The following GRAMD2B variants were observed in gnomAD, a reference collection of about 807,000 sequenced individuals.
GRAMD2B encodes the protein GRAM domain containing 2B, also known as GRAM domain-containing protein 2B.
GRAMD2B carries 41 observed loss-of-function variants against 59.2 expected under a neutral mutation model. The ratio of observed to expected loss-of-function variants is 0.69; its 90% CI spans 0.54 to 0.90. The LOEUF (loss-of-function observed/expected upper bound fraction) is 0.90. Ranked by LOEUF, GRAMD2B falls within the 40% of genes least tolerant of loss-of-function variation. GRAMD2B has a pLI of 0.00. For missense variants in GRAMD2B, 424 were observed against 500.5 expected (o/e 0.85, Z 1.46); for synonymous variants, 161 against 182.7 (o/e 0.88, Z 0.96).
rs778624012 is a variant in GRAMD2B at position 126,467,874 on chromosome 5, G to A, written c.204-1803G>A. On this transcript the variant is annotated intron_variant, in intron 2 of 13. Coordinates refer to ENST00000285689, the MANE Select transcript of GRAMD2B (RefSeq NM_023927.4). ...GAATCATACACTGTAGTGGCTAGAA[G>A]AGGCCTAGGACATCATATAGTCCAT... Among the ~76,000 whole-genome samples the A allele has an allele frequency of 6.1e-3, 930 of 152,266 alleles. 5 individuals are homozygous for A. Among genetic ancestry groups the A allele is most frequent in the Middle Eastern group, 0.02 (6 of 294 alleles).
At chr5:126,393,556 T>C (rs2149725083) in intron 1 of GRAMD2B, among the ~76,000 whole-genome samples, 1 of 152,314 alleles carries the variant, frequency 6.6e-6, no homozygotes, top group East Asian at 1.9e-4. Context: ...ACCTTACCTG[T>C]AAGGCATGTG....
intron 13 of GRAMD2B, among the ~76,000 whole-genome samples, chr5:126,492,228 G>C (rs954450760): frequency 1.3e-4 from 19 of 150,800 alleles, no homozygotes; most frequent in African/African-American, 1.7e-4. Flanking sequence ...TTATTATGTG[G>C]GATTTTTCTG....
chr5:126,389,307 T>C (rs534856657), intron 1 of GRAMD2B, among the ~76,000 whole-genome samples: 1 of 152,330 alleles, frequency 6.6e-6, no homozygotes, highest in East Asian at 1.9e-4. Context: ...GAAATACCTT[T>C]GGCTGGTTTC....
chr5:126,457,980 T>G (rs1485880484), intron 1 of GRAMD2B, among the ~76,000 whole-genome samples: 3 of 152,228 alleles, frequency 2.0e-5, no homozygotes, highest in Non-Finnish European at 4.4e-5. Flanking sequence ...GATTTAGATT[T>G]TGTTTTTCTT....
At chr5:126,378,663 G>A (rs1236862224) in intron 1 of GRAMD2B, among the ~76,000 whole-genome samples, 1 of 152,178 alleles carries the variant, frequency 6.6e-6, no homozygotes, top group Admixed American at 6.5e-5. Flanking sequence ...AATGGATGTG[G>A]TTTTCCCAGC....
In GRAMD2B at chr5:126,463,885, GGC is replaced by G. The variant is rs1245360200; in HGVS notation, c.84-1539_84-1538del. Among the ~76,000 whole-genome samples the G allele has an allele frequency of 5.3e-5, 8 of 152,330 alleles. No individual in the cohort carries two copies. In the East Asian group the frequency reaches 1.5e-3, roughly 29 times the overall value. ...AATACAAAAATTAGCCAGGCATGGT[GGC>G]GTGCGCCTGTAATCCCAGCTACTTG... On this transcript the variant is annotated intron_variant, in intron 1 of 13. Coordinates refer to ENST00000285689, the MANE Select transcript of GRAMD2B (RefSeq NM_023927.4).
chr5:126,379,283 A>G (rs1257161226), intron 1 of GRAMD2B, among the ~76,000 whole-genome samples: 2 of 151,842 alleles, frequency 1.3e-5, no homozygotes, highest in Non-Finnish European at 2.9e-5. Context: ...TATATACTAC[A>G]TTTTCTGTAT....
Position 126,450,957 on chromosome 5 carries a change from T to C in GRAMD2B, c.84-14469T>C, listed in dbSNP as rs374336857. On this transcript the variant is annotated intron_variant, in intron 1 of 13. Coordinates refer to ENST00000285689, the MANE Select transcript of GRAMD2B (RefSeq NM_023927.4). The stretch of plus-strand genomic sequence containing the variant: ...ACTAGGGCAGTGCTGAGGGGAAATA[T>C]GGGGTTGTGCCCCCACACAGAGTGC... 1.2e-4 allele frequency among the ~76,000 whole-genome samples: 18 copies of C among 152,366 alleles called. No individual in the cohort carries two copies. The East Asian group carries it at 2.5e-3, about 21-fold the overall frequency.
chr5:126,488,688 A>T (rs1379576450), intron 12 of GRAMD2B, 111 bp from the exon 13 acceptor site: 1 of 677,126 alleles, frequency 1.5e-6, no homozygotes, highest in African/African-American at 1.8e-5. Context: ...TGAAATGTTC[A>T]TTCTCTTCTA....
chr5:126,430,612 C>T (rs1467945353), intron 1 of GRAMD2B, among the ~76,000 whole-genome samples: 2 of 152,070 alleles, frequency 1.3e-5, no homozygotes, highest in African/African-American at 2.4e-5. Context: ...ATCTTTGTTC[C>T]ATAGGCTTGA....
chr5:126,459,490 T>C (rs778854501), intron 1 of GRAMD2B, among the ~76,000 whole-genome samples: 11 of 152,230 alleles, frequency 7.2e-5, no homozygotes, highest in Non-Finnish European at 1.2e-4. Flanking sequence ...GTGAAGCAAT[T>C]ATGATAAGAA....
chr5:126,459,722 T>C (rs1766989742), intron 1 of GRAMD2B, among the ~76,000 whole-genome samples: 1 of 152,222 alleles, frequency 6.6e-6, no homozygotes, highest in Non-Finnish European at 1.5e-5. Context: ...CTAGTCACGA[T>C]TAAAATGATG....
intron 1 of GRAMD2B, among the ~76,000 whole-genome samples, chr5:126,430,703 GAAAA>G (rs1761423000): frequency 1.3e-5 from 2 of 152,172 alleles, no homozygotes; most frequent in African/African-American, 4.8e-5. Flanking sequence ...AAAAGAAAAA[GAAAA>G]GAAAGGGCTT....
At chr5:126,394,287 A>G (rs1217210171) in intron 1 of GRAMD2B, among the ~76,000 whole-genome samples, 1 of 152,022 alleles carries the variant, frequency 6.6e-6, no homozygotes, top group Non-Finnish European at 1.5e-5. Flanking sequence ...AAAAAAAAAA[A>G]AGAAAAGAAA....
intron 1 of GRAMD2B, among the ~76,000 whole-genome samples, chr5:126,418,107 G>A (rs576762989): frequency 6.6e-6 from 1 of 152,194 alleles, no homozygotes; most frequent in South Asian, 2.1e-4. Context: ...CAGGAAATAG[G>A]CCCAGGAGTC....
exon 14 of GRAMD2B, chr5:126,494,354 CAAAAAAAAAAGAA>C (rs1327521604): frequency 4.1e-5 from 5 of 122,440 alleles, no homozygotes; most frequent in African/African-American, 9.6e-5. Flanking sequence ...ACTTTGAAGT[CAAAAAAAAAAGAA>C]AAAAAAAAAA....
At chr5:126,365,749 G>A (rs1183815217) in intron 1 of GRAMD2B, among the ~76,000 whole-genome samples, 1 of 149,650 alleles carries the variant, frequency 6.7e-6, no homozygotes, top group East Asian at 1.9e-4. Flanking sequence ...ATGCATCACT[G>A]TTTAAATAAT....
At chr5:126,365,718 TC>T (rs1023669191) in intron 1 of GRAMD2B, among the ~76,000 whole-genome samples, 3 of 152,086 alleles carry the variant, frequency 2.0e-5, no homozygotes, top group Admixed American at 1.3e-4. Context: ...TTTTTTTTTT[TC>T]CTGGAAAACC....
intron 1 of GRAMD2B, among the ~76,000 whole-genome samples, chr5:126,446,435 C>T (rs1304110268): frequency 1.3e-5 from 2 of 152,008 alleles, no homozygotes. Context: ...AGTGGATACC[C>T]TTATTTACTC....
Sources: allele counts gnomAD v4.1 joint callset (sites outside exome capture counted in the v4.1 genomes callset), GRCh38; gene constraint gnomAD v4.1.1; transcripts MANE v1.5; gene names NCBI Gene and HGNC (gene_info 2026-07-23, HGNC 2026-07-21).